The following GRIN2A variants were observed in gnomAD, a reference collection of about 807,000 sequenced individuals.
GRIN2A encodes glutamate ionotropic receptor NMDA type subunit 2A.
A neutral mutation model predicts 113.4 loss-of-function variants in GRIN2A; 22 were observed. That is an observed-to-expected ratio of 0.19 (90% CI 0.14 to 0.28). The LOEUF (loss-of-function observed/expected upper bound fraction) is 0.28, where lower values mean the gene tolerates loss of function less well. Ranked by LOEUF, GRIN2A falls within the 10% of genes least tolerant of loss-of-function variation. GRIN2A has a pLI of 1.00. For missense variants in GRIN2A, 1,502 were observed against 1,887.0 expected, an observed-to-expected ratio of 0.80 and a Z score of 3.78; for synonymous variants, 827 against 738.4, an observed-to-expected ratio of 1.12 and a Z score of -1.94.
chr16:10,130,395 G>A (rs1357290800), intron 2 of GRIN2A, among the ~76,000 whole-genome samples: 1 of 152,204 alleles, frequency 6.6e-6, no homozygotes, highest in African/African-American at 2.4e-5. Context: ...GAATTTTCGA[G>A]CTGAGCAGAT....
intron 2 of GRIN2A, among the ~76,000 whole-genome samples, chr16:9,952,647 G>A (rs748596220): frequency 6.6e-6 from 1 of 151,988 alleles, no homozygotes. Flanking sequence ...AATATTTTCT[G>A]TCTGTTCAAT....
chr16:10,106,212 G>GTT (rs71402429), intron 2 of GRIN2A, among the ~76,000 whole-genome samples: 32 of 140,982 alleles, frequency 2.3e-4, no homozygotes, highest in Admixed American at 6.4e-4. Flanking sequence ...TTGGGGAAGT[G>GTT]TTTTTTTTTT....
chr16:9,770,010 A>T (rs1901164397), intron 11 of GRIN2A, among the ~76,000 whole-genome samples: 1 of 152,214 alleles, frequency 6.6e-6, no homozygotes, highest in African/African-American at 2.4e-5. Context: ...GCAATTAAAG[A>T]ACCAGGTGGT....
At chr16:10,152,074 G>A (rs1200085188) in intron 2 of GRIN2A, among the ~76,000 whole-genome samples, 30 of 152,120 alleles carry the variant, frequency 2.0e-4, no homozygotes, top group Admixed American at 1.9e-3. Flanking sequence ...CAGACACCCT[G>A]CCCCTGGCAG....
chr16:10,138,815 A>G (rs1239872122), intron 2 of GRIN2A, among the ~76,000 whole-genome samples: 2 of 152,238 alleles, frequency 1.3e-5, no homozygotes, highest in African/African-American at 4.8e-5. Context: ...GCCAACTATT[A>G]TCATTATCAT....
chr16:9,855,408 G>A (rs745803550), intron 4 of GRIN2A, among the ~76,000 whole-genome samples: 21 of 152,140 alleles, frequency 1.4e-4, no homozygotes, highest in Non-Finnish European at 1.8e-4. Context: ...TTCAACATTT[G>A]TTAAACTTAT....
chr16:10,161,716 A>G (rs1345537632), intron 2 of GRIN2A, among the ~76,000 whole-genome samples: 1 of 152,130 alleles, frequency 6.6e-6, no homozygotes, highest in African/African-American at 2.4e-5. Flanking sequence ...GAAGTGGGTC[A>G]AGCAGCTGGC....
chr16:10,006,670 A>G (rs950349413), intron 2 of GRIN2A, among the ~76,000 whole-genome samples: 5 of 152,040 alleles, frequency 3.3e-5, no homozygotes, highest in African/African-American at 1.2e-4. Context: ...ATGTACGACA[A>G]ATTATTGCTG....
chr16:10,026,788 T>C (rs2046831003), intron 2 of GRIN2A, among the ~76,000 whole-genome samples: 1 of 152,102 alleles, frequency 6.6e-6, no homozygotes, highest in African/African-American at 2.4e-5. Flanking sequence ...TCTCACTTCC[T>C]CCCACCCCAA....
chr16:9,907,960 C>T (rs538838338), intron 3 of GRIN2A, among the ~76,000 whole-genome samples: 11 of 152,176 alleles, frequency 7.2e-5, no homozygotes, highest in Non-Finnish European at 4.4e-5. Flanking sequence ...ATGTGGTAGG[C>T]GGTCAGTGAC....
chr16:9,978,557 TC>T (rs1327007315), intron 2 of GRIN2A, among the ~76,000 whole-genome samples: 2 of 151,984 alleles, frequency 1.3e-5, no homozygotes, highest in African/African-American at 2.4e-5. Context: ...TTCCTCCCCA[TC>T]CTCCTCTTAC....
rs75452474 is a variant in GRIN2A, at chr16:9,821,953, G to T, written c.2168+311C>A. 7.9e-5 allele frequency among the ~76,000 whole-genome samples: 12 copies of T among 152,162 alleles called. No homozygotes were observed. The East Asian group carries it at 2.1e-3, about 27-fold the overall frequency. ...TTGTTTTCACTACTTTAAACTCTTG[G>T]CCTTCTTGGATCTTTCTATTTGTTA... On this transcript the variant is annotated intron_variant, in intron 10 of 12. Transcript: ENST00000330684.
chr16:10,084,744 C>CTTTAA, intron 2 of GRIN2A, among the ~76,000 whole-genome samples: 1 of 147,132 alleles, frequency 6.8e-6, no homozygotes, highest in African/African-American at 2.5e-5. Flanking sequence ...CCACCTGACA[C>CTTTAA]TTTATTTATT....
chr16:10,048,928 G>C (rs1009756112), intron 2 of GRIN2A, among the ~76,000 whole-genome samples: 1 of 152,310 alleles, frequency 6.6e-6, no homozygotes, highest in Admixed American at 6.5e-5. Flanking sequence ...CTGACGTGGA[G>C]GAAGGAGCCG....
At position 9,898,801 on chromosome 16, in the gene GRIN2A, G is replaced by GT. The variant is rs1157991036; in HGVS notation, c.1008-7702dup. On this transcript the variant is annotated intron_variant, in intron 3 of 12. Coordinates refer to ENST00000330684, the MANE Select transcript of GRIN2A (RefSeq NM_001134407.3). ...CATTTTCACAGAGTGTTTTTTTTTT[G>GT]TTTTTTTTTTTTCTCTTACAAGCAT... Among the ~76,000 whole-genome samples, 1,258 of 129,140 alleles carry GT rather than the reference G, an allele frequency of 9.7e-3. 12 individuals carry two copies. The highest frequency in any genetic ancestry group is 0.012 in the Non-Finnish European group (692 of 59,484). The allele number at this position is 129,140 out of a possible 152,430, so 84.7% of individuals were successfully genotyped here. A position where few individuals can be genotyped will look rare whatever the true frequency, so the allele number is the denominator to read the frequency against.
chr16:10,021,415 C>A (rs1488784687), intron 2 of GRIN2A, among the ~76,000 whole-genome samples: 1 of 152,176 alleles, frequency 6.6e-6, no homozygotes, highest in Non-Finnish European at 1.5e-5. Flanking sequence ...AATATCCCAG[C>A]AGCTGGTAAG....
chr16:10,048,917 G>A (rs996233683), intron 2 of GRIN2A, among the ~76,000 whole-genome samples: 21 of 152,190 alleles, frequency 1.4e-4, no homozygotes, highest in African/African-American at 4.6e-4. Flanking sequence ...CCTCCTTCCT[G>A]CTGACGTGGA....
intron 2 of GRIN2A, among the ~76,000 whole-genome samples, chr16:10,032,197 C>G (rs2046942014): frequency 6.6e-6 from 1 of 152,212 alleles, no homozygotes; most frequent in Non-Finnish European, 1.5e-5. Context: ...AATCCATGAA[C>G]AAATAACTAA....
chr16:10,022,301 G>A (rs1365051970), intron 2 of GRIN2A, among the ~76,000 whole-genome samples: 1 of 151,544 alleles, frequency 6.6e-6, no homozygotes, highest in Non-Finnish European at 1.5e-5. Context: ...ATGCATATGT[G>A]CATGCACATA....
Sources: gnomAD v4.1 joint callset for allele counts (sites outside exome capture counted in the v4.1 genomes callset) on GRCh38, gnomAD v4.1.1 for gene constraint, MANE v1.5 for transcripts, NCBI Gene and HGNC (gene_info 2026-07-23, HGNC 2026-07-21) for gene names.